Variants in CLVS1 observed in about 807,000 individuals in gnomAD.
CLVS1 encodes the protein clavesin 1, also known as clavesin-1.
Under a neutral mutation model 33.1 loss-of-function variants are expected in CLVS1, and 10 were observed. The observed-to-expected ratio is 0.30, with a 90% CI of 0.19 to 0.51. CLVS1 has a LOEUF of 0.51. Ranked by LOEUF, CLVS1 falls within the 20% of genes least tolerant of loss-of-function variation. The pLI is 0.97. For missense variants in CLVS1, 343 were observed against 433.4 expected (o/e 0.79, Z 1.85); for synonymous variants, 163 against 166.1 (o/e 0.98, Z 0.14).
chr8:61,405,673 A>G (rs1814957570), intron 3 of CLVS1, among the ~76,000 whole-genome samples: 7 of 149,818 alleles, frequency 4.7e-5, no homozygotes, highest in Admixed American at 4.7e-4. Context: ...TGTTTTACTA[A>G]TTTATCAATA....
intron 1 of CLVS1, 171 bp downstream of exon 1, chr8:61,288,309 C>G: frequency 2.2e-6 from 1 of 455,584 alleles, no homozygotes; most frequent in Non-Finnish European, 4.4e-6. Context: ...CCCGCCGCCT[C>G]CGCGGTCCAT....
intron 2 of CLVS1, among the ~76,000 whole-genome samples, chr8:61,233,004 G>GA (rs1554548504): frequency 6.6e-6 from 1 of 152,140 alleles, no homozygotes; most frequent in Non-Finnish European, 1.5e-5. Context: ...GGTAAAATAT[G>GA]TTTTTTAAGC....
the CLVS1 span, among the ~76,000 whole-genome samples, chr8:61,026,894 G>A: frequency 1.3e-5 from 2 of 152,092 alleles, no homozygotes; most frequent in Non-Finnish European, 1.5e-5. Flanking sequence ...AGAAGGCTCA[G>A]GTGAGAGCTT....
At chr8:61,388,249 C>T (rs564259565) in intron 3 of CLVS1, among the ~76,000 whole-genome samples, 1 of 151,398 alleles carries the variant, frequency 6.6e-6, no homozygotes, top group South Asian at 2.1e-4. Context: ...ATCAGCTTTG[C>T]TGCAGTACAG....
At chr8:61,206,327 T>C (rs1807839896) in intron 2 of CLVS1, among the ~76,000 whole-genome samples, 2 of 152,182 alleles carry the variant, frequency 1.3e-5, no homozygotes, top group African/African-American at 4.8e-5. Flanking sequence ...GGACTGTGTA[T>C]AGGCAAGGAA....
At chr8:61,006,806 G>A in the CLVS1 span, among the ~76,000 whole-genome samples, 1 of 152,194 alleles carries the variant, frequency 6.6e-6, no homozygotes, top group African/African-American at 2.4e-5. Context: ...TTGCCCTTCT[G>A]TAGTGCTGCT....
At chr8:61,058,637 C>G (rs1804523252) in intron 1 of CLVS1, among the ~76,000 whole-genome samples, 1 of 152,174 alleles carries the variant, frequency 6.6e-6, no homozygotes, top group African/African-American at 2.4e-5. Context: ...TCACTACTGT[C>G]AAGATAGTGA....
rs970551325 is a variant in CLVS1, at chr8:61,245,559, C to T, written c.-151-54118C>T. Among the ~76,000 whole-genome samples the T allele has an allele frequency of 2.0e-5, 3 of 151,838 alleles. No individual in the cohort carries two copies. The South Asian group carries it at 6.2e-4, about 32-fold the overall frequency. On this transcript the variant is annotated intron_variant, in intron 2 of 2. Transcript: ENST00000522621. ...TCTGACATCTTTTATATTTTATAGTCGTCTTTTGTCCATTTATATTGTATA... is the reference window on the plus strand; with the variant it reads ...TCTGACATCTTTTATATTTTATAGTTGTCTTTTGTCCATTTATATTGTATA...
chr8:60,973,182 G>GA, the CLVS1 span, among the ~76,000 whole-genome samples: 5 of 152,204 alleles, frequency 3.3e-5, no homozygotes, highest in Non-Finnish European at 5.9e-5. Context: ...GCCATCTTTA[G>GA]AAAAATCTAA....
intron 3 of CLVS1, among the ~76,000 whole-genome samples, chr8:61,388,594 T>G (rs1814177156): frequency 6.6e-6 from 1 of 151,982 alleles, no homozygotes; most frequent in Non-Finnish European, 1.5e-5. Context: ...GCATTAAGCC[T>G]GCGCACTTCA....
Position 61,288,126 on chromosome 8 carries a change from C to A in CLVS1, c.-164C>A, listed in dbSNP as rs755373230. The stretch of plus-strand genomic sequence containing the variant: ...AATACATTCCCAAAGCAAGGCTGGG[C>A]GGCCGTGTGAAGGTATTTGTTACCT... On this transcript the variant is annotated 5_prime_UTR_variant, in exon 1 of 6. Transcript: ENST00000325897. 2.2e-6 allele frequency: 1 copy of A among 456,324 alleles called. No homozygotes were observed. The highest frequency in any genetic ancestry group is 1.5e-5 in the South Asian group (1 of 64,566). 28.3% of individuals were successfully genotyped at this position (456,324 alleles called of 1,614,324 possible).
the CLVS1 span, among the ~76,000 whole-genome samples, chr8:61,028,531 C>T: frequency 6.6e-6 from 1 of 152,112 alleles, no homozygotes; most frequent in Non-Finnish European, 1.5e-5. Context: ...ATGCCCTGGC[C>T]ACTGCTGAGG....
intron 3 of CLVS1, among the ~76,000 whole-genome samples, chr8:61,397,706 T>G (rs1814584331): frequency 6.6e-6 from 1 of 152,162 alleles, no homozygotes; most frequent in South Asian, 2.1e-4. Flanking sequence ...GGCTCCAACT[T>G]TATTCTTTTG....
At chr8:61,039,714 A>AT in the CLVS1 span, among the ~76,000 whole-genome samples, 1 of 151,682 alleles carries the variant, frequency 6.6e-6, no homozygotes, top group Admixed American at 6.6e-5. Context: ...CTAATTTTTT[A>AT]TTTTTTGTGG....
At chr8:61,132,396 G>T (rs1000433474) in intron 2 of CLVS1, among the ~76,000 whole-genome samples, 2 of 152,198 alleles carry the variant, frequency 1.3e-5, no homozygotes, top group East Asian at 1.9e-4. Context: ...AGCACCCGGG[G>T]CTGGAGAGAC....
the CLVS1 span, among the ~76,000 whole-genome samples, chr8:60,983,509 G>A: frequency 6.6e-6 from 1 of 152,156 alleles, no homozygotes; most frequent in Non-Finnish European, 1.5e-5. Flanking sequence ...CTGCCACAGA[G>A]GTTTTCAATG....
the CLVS1 span, among the ~76,000 whole-genome samples, chr8:60,992,972 G>T: frequency 1.3e-5 from 2 of 152,208 alleles, no homozygotes; most frequent in African/African-American, 4.8e-5. Flanking sequence ...CAGGTCATTC[G>T]TTTCCTTGAA....
chr8:61,023,254 A>G, the CLVS1 span, among the ~76,000 whole-genome samples: 3 of 152,342 alleles, frequency 2.0e-5, no homozygotes, highest in East Asian at 5.8e-4. Flanking sequence ...GTAGTTTATT[A>G]GCTGAAAGAG....
chr8:61,127,890 A>T (rs1253668796), intron 1 of CLVS1, among the ~76,000 whole-genome samples: 1 of 152,214 alleles, frequency 6.6e-6, no homozygotes, highest in Non-Finnish European at 1.5e-5. Flanking sequence ...ATTATTGGAG[A>T]ACCATTCCAA....
Sources: gnomAD v4.1 joint callset for allele counts (sites outside exome capture counted in the v4.1 genomes callset) on GRCh38, gnomAD v4.1.1 for gene constraint, MANE v1.5 for transcripts, NCBI Gene and HGNC (gene_info 2026-07-23, HGNC 2026-07-21) for gene names.